Variants in CTNNA2 observed in about 807,000 individuals in gnomAD.
CTNNA2 encodes catenin alpha 2, also known as catenin alpha-2.
A neutral mutation model predicts 101.0 loss-of-function variants in CTNNA2; 42 were observed. The observed-to-expected ratio is 0.42, with a 90% CI of 0.32 to 0.54. The LOEUF is 0.54. CTNNA2 is among the 20% of genes least tolerant of loss of function. The pLI is 0.14. For synonymous variants in CTNNA2, 450 were observed against 456.4 expected (o/e 0.99, Z 0.18); for missense variants, 871 against 1,223.1 (o/e 0.71, Z 4.29).
At chr2:79,315,800 A>G (rs542910958) in intron 3 of CTNNA2, among the ~76,000 whole-genome samples, 2 of 152,222 alleles carry the variant, frequency 1.3e-5, no homozygotes, top group African/African-American at 4.8e-5. Flanking sequence ...GTACTGTGAT[A>G]ACTCCATGTT....
At chr2:80,296,168 T>C (rs1184507177) in intron 7 of CTNNA2, among the ~76,000 whole-genome samples, 1 of 152,172 alleles carries the variant, frequency 6.6e-6, no homozygotes, top group Non-Finnish European at 1.5e-5. Context: ...AAATGAGGTA[T>C]CTATCACCTC....
chr2:80,634,208 A>G (rs574004940), intron 18 of CTNNA2, among the ~76,000 whole-genome samples: 1 of 152,260 alleles, frequency 6.6e-6, no homozygotes, highest in South Asian at 2.1e-4. Context: ...TAAAAATATG[A>G]GTATATAAGA....
At chr2:79,678,910 T>C (rs1278867845) in intron 2 of CTNNA2, among the ~76,000 whole-genome samples, 3 of 152,224 alleles carry the variant, frequency 2.0e-5, no homozygotes, top group Admixed American at 1.3e-4. Context: ...ATCTACAGCA[T>C]CTTCTGCAAC....
At chr2:80,395,580 C>G (rs982003162) in intron 8 of CTNNA2, among the ~76,000 whole-genome samples, 1 of 152,162 alleles carries the variant, frequency 6.6e-6, no homozygotes, top group Non-Finnish European at 1.5e-5. Context: ...CATGCAATGA[C>G]TAATTTGTTT....
intron 7 of CTNNA2, among the ~76,000 whole-genome samples, chr2:80,049,814 G>T (rs1464860196): frequency 6.6e-6 from 1 of 152,122 alleles, no homozygotes. Context: ...TAATGAAATT[G>T]CTCTTTTTGA....
chr2:80,284,450 G>A (rs561204120), intron 7 of CTNNA2, among the ~76,000 whole-genome samples: 1 of 152,176 alleles, frequency 6.6e-6, no homozygotes, highest in African/African-American at 2.4e-5. Flanking sequence ...CAGAAGTGGT[G>A]GCCTTTTCTC....
chr2:79,860,986 A>G (rs546766538), intron 4 of CTNNA2, among the ~76,000 whole-genome samples: 7 of 152,358 alleles, frequency 4.6e-5, no homozygotes, highest in Non-Finnish European at 1.0e-4. Flanking sequence ...CATGTCAAAT[A>G]GCTTTACATA....
chr2:80,083,904 G>A (rs1255769341), intron 7 of CTNNA2, among the ~76,000 whole-genome samples: 1 of 152,072 alleles, frequency 6.6e-6, no homozygotes, highest in Non-Finnish European at 1.5e-5. Flanking sequence ...GTTGGGAAGT[G>A]GATCATAATC....
chr2:79,533,770 G>T (rs1222259627), intron 1 of CTNNA2, among the ~76,000 whole-genome samples: 1 of 150,836 alleles, frequency 6.6e-6, no homozygotes, highest in Non-Finnish European at 1.5e-5. Context: ...CTAAAATAGT[G>T]TCTGAGAGTT....
chr2:80,502,583 T>C (rs1687961783), intron 9 of CTNNA2, among the ~76,000 whole-genome samples: 1 of 152,222 alleles, frequency 6.6e-6, no homozygotes, highest in Admixed American at 6.5e-5. Context: ...TTCCTCTTCC[T>C]CAAAGCTGGT....
intron 1 of CTNNA2, among the ~76,000 whole-genome samples, chr2:79,543,508 A>G (rs982377354): frequency 1.1e-4 from 17 of 152,170 alleles, no homozygotes; most frequent in Admixed American, 4.6e-4. Flanking sequence ...AGTTAGAAAT[A>G]CATTTTTGAC....
intron 4 of CTNNA2, among the ~76,000 whole-genome samples, chr2:79,432,207 G>A (rs1418898718): frequency 2.0e-5 from 3 of 152,092 alleles, no homozygotes; most frequent in Non-Finnish European, 2.9e-5. Context: ...AGGATGGAAC[G>A]ACAAGTATTT....
intron 7 of CTNNA2, among the ~76,000 whole-genome samples, chr2:80,374,956 T>C (rs567639706): frequency 6.6e-6 from 1 of 152,084 alleles, no homozygotes; most frequent in East Asian, 1.9e-4. Context: ...AAACACTTAC[T>C]TAGTGGAATG....
intron 7 of CTNNA2, among the ~76,000 whole-genome samples, chr2:80,316,568 G>T (rs969634411): frequency 6.6e-6 from 1 of 152,140 alleles, no homozygotes; most frequent in African/African-American, 2.4e-5. Flanking sequence ...CCGGCTGCTG[G>T]TCTCCCCTAG....
At chr2:80,494,695 T>C (rs1267345770) in intron 9 of CTNNA2, among the ~76,000 whole-genome samples, 1 of 152,056 alleles carries the variant, frequency 6.6e-6, no homozygotes, top group East Asian at 1.9e-4. Context: ...ACAGTTTAGC[T>C]CATATTAAGT....
chr2:79,650,591 C>T, intron 1 of CTNNA2, among the ~76,000 whole-genome samples: 1 of 148,048 alleles, frequency 6.8e-6, no homozygotes, highest in East Asian at 2.0e-4. Flanking sequence ...GCCCCTTCCT[C>T]ACCTCTCCCA....
chr2:80,269,642 A>AT (rs989480334), intron 7 of CTNNA2, among the ~76,000 whole-genome samples: 6 of 151,938 alleles, frequency 3.9e-5, no homozygotes, highest in Admixed American at 6.6e-5. Flanking sequence ...TCAACTATGA[A>AT]TTTTTTTTCA....
At chr2:80,520,819 G>A (rs528173147) in intron 9 of CTNNA2, among the ~76,000 whole-genome samples, 3 of 152,286 alleles carry the variant, frequency 2.0e-5, no homozygotes, top group African/African-American at 7.2e-5. Flanking sequence ...TTGATTCGGT[G>A]AAAAGCTGGC....
chr2:80,375,472 C>T (rs564815167), intron 7 of CTNNA2, among the ~76,000 whole-genome samples: 7 of 152,044 alleles, frequency 4.6e-5, no homozygotes, highest in Non-Finnish European at 1.0e-4. Context: ...AAGACTTGAA[C>T]CCATAACATG....
Sources: gnomAD v4.1 joint callset for allele counts (sites outside exome capture counted in the v4.1 genomes callset) on GRCh38, gnomAD v4.1.1 for gene constraint, MANE v1.5 for transcripts, NCBI Gene and HGNC (gene_info 2026-07-23, HGNC 2026-07-21) for gene names.